SAMD12: variants seen among roughly 807,000 people sequenced by gnomAD.
SAMD12 encodes sterile alpha motif domain containing 12.
A neutral mutation model predicts 15.0 loss-of-function variants in SAMD12; 9 were observed. That is an observed-to-expected ratio of 0.60 (90% CI 0.36 to 1.05). The LOEUF (loss-of-function observed/expected upper bound fraction) is 1.05, where lower values mean the gene tolerates loss of function less well. Among genes scored for constraint, SAMD12 ranks in the 50% least tolerant of loss-of-function variants. The probability of loss-of-function intolerance (pLI) is 0.01; values close to 1 mark genes in which losing one functional copy is unlikely to be tolerated. For missense variants in SAMD12, 230 were observed against 234.2 expected, an observed-to-expected ratio of 0.98 and a Z score of 0.12; for synonymous variants, 86 against 90.1, an observed-to-expected ratio of 0.96 and a Z score of 0.25.
chr8:118,302,581 T>C (rs1815106541), intron 4 of SAMD12, among the ~76,000 whole-genome samples: 1 of 152,216 alleles, frequency 6.6e-6, no homozygotes, highest in African/African-American at 2.4e-5. Flanking sequence ...TCTCTTACTT[T>C]CCACTGTAAC....
At chr8:118,211,653 A>T (rs2129819877) in intron 4 of SAMD12, among the ~76,000 whole-genome samples, 1 of 152,312 alleles carries the variant, frequency 6.6e-6, no homozygotes, top group South Asian at 2.1e-4. Context: ...CTATAAAATT[A>T]TGAGGCCCTT....
At chr8:118,538,618 G>A (rs1356367728) in intron 2 of SAMD12, among the ~76,000 whole-genome samples, 4 of 152,224 alleles carry the variant, frequency 2.6e-5, no homozygotes, top group Admixed American at 1.3e-4. Context: ...CACCACATGG[G>A]CACCTCAGGG....
At chr8:118,330,942 C>T (rs917163800) in intron 4 of SAMD12, among the ~76,000 whole-genome samples, 5 of 151,878 alleles carry the variant, frequency 3.3e-5, no homozygotes, top group Admixed American at 1.3e-4. Flanking sequence ...GAAATCTGCA[C>T]GTGTACCTGC....
intron 2 of SAMD12, among the ~76,000 whole-genome samples, chr8:118,523,304 GAT>G (rs905771083): frequency 3.3e-5 from 5 of 152,116 alleles, no homozygotes; most frequent in African/African-American, 1.2e-4. Context: ...CAAGTCTACT[GAT>G]AGGTCCAGAC....
At chr8:118,470,690 TA>T (rs940668628) in intron 2 of SAMD12, among the ~76,000 whole-genome samples, 1 of 152,194 alleles carries the variant, frequency 6.6e-6, no homozygotes, top group African/African-American at 2.4e-5. Context: ...ATTACTCCCA[TA>T]AAATGCTAAC....
chr8:118,145,429 T>C, the SAMD12 span, among the ~76,000 whole-genome samples: 2 of 152,234 alleles, frequency 1.3e-5, no homozygotes, highest in Non-Finnish European at 2.9e-5. Context: ...TTGAACACTA[T>C]CTTGAGTGTT....
chr8:118,531,985 A>AGGGCATCCCCG (rs1464323883), intron 2 of SAMD12, among the ~76,000 whole-genome samples: 9 of 152,200 alleles, frequency 5.9e-5, no homozygotes, highest in Admixed American at 1.3e-4. Flanking sequence ...ATGGCGAGCG[A>AGGGCATCCCCG]GGGCATCCCT....
At chr8:118,524,760 C>T (rs980490613) in intron 2 of SAMD12, among the ~76,000 whole-genome samples, 2 of 152,178 alleles carry the variant, frequency 1.3e-5, no homozygotes, top group Non-Finnish European at 2.9e-5. Context: ...AACCTTGAGT[C>T]AACTGCTTCT....
chr8:118,437,244 C>G (rs978401841), intron 3 of SAMD12, among the ~76,000 whole-genome samples: 1 of 152,152 alleles, frequency 6.6e-6, no homozygotes, highest in African/African-American at 2.4e-5. Context: ...TGCATTCACT[C>G]TTAGAGAAGC....
chr8:118,217,799 C>T (rs1811998016), intron 4 of SAMD12, among the ~76,000 whole-genome samples: 1 of 152,186 alleles, frequency 6.6e-6, no homozygotes, highest in South Asian at 2.1e-4. Flanking sequence ...TTTATCCAAC[C>T]ATCTGCACCC....
intron 4 of SAMD12, among the ~76,000 whole-genome samples, chr8:118,309,378 A>ATGTGTGTG (rs1360473888): frequency 1.1e-3 from 126 of 118,336 alleles, no homozygotes; most frequent in African/African-American, 5.3e-3. Flanking sequence ...TTTGAGATAT[A>ATGTGTGTG]TATGTGTGTG....
intron 4 of SAMD12, among the ~76,000 whole-genome samples, chr8:118,325,600 C>G (rs766282482): frequency 1.3e-5 from 2 of 152,116 alleles, no homozygotes; most frequent in South Asian, 2.1e-4. Context: ...CACTTAAGAT[C>G]TCTCAGCAAA....
At chr8:118,561,440 T>G (rs1239908427) in intron 2 of SAMD12, among the ~76,000 whole-genome samples, 2 of 152,218 alleles carry the variant, frequency 1.3e-5, no homozygotes, top group Non-Finnish European at 2.9e-5. Context: ...AATAAAGACA[T>G]ACCTGAGACT....
chr8:118,509,387 G>T (rs1306690141), intron 2 of SAMD12, among the ~76,000 whole-genome samples: 4 of 152,124 alleles, frequency 2.6e-5, no homozygotes, highest in African/African-American at 9.7e-5. Flanking sequence ...AAACTGGGGC[G>T]GGCCTGACTG....
At chr8:118,425,939 G>A (rs4876832) in intron 3 of SAMD12, among the ~76,000 whole-genome samples, 83,731 of 151,504 alleles carry the variant, frequency 0.55, 25,168 homozygotes, top group Non-Finnish European at 0.66. Context: ...CCATGTCACT[G>A]AGCTTTGAAC....
chr8:118,343,911 T>C (rs1021646041), intron 4 of SAMD12, among the ~76,000 whole-genome samples: 2 of 152,212 alleles, frequency 1.3e-5, no homozygotes, highest in South Asian at 2.1e-4. Context: ...GTTTCAGCTA[T>C]CTGATTTGTG....
chr8:118,528,030 T>C (rs977757202), intron 2 of SAMD12, among the ~76,000 whole-genome samples: 4 of 96,854 alleles, frequency 4.1e-5, no homozygotes, highest in African/African-American at 1.3e-4. Context: ...AATATATATA[T>C]ATATTTTTTT....
intron 4 of SAMD12, among the ~76,000 whole-genome samples, chr8:118,217,177 T>C (rs1811983330): frequency 6.6e-6 from 1 of 152,224 alleles, no homozygotes; most frequent in Non-Finnish European, 1.5e-5. Context: ...CTAATTTTTG[T>C]ATTTTTAGTA....
the SAMD12 span, among the ~76,000 whole-genome samples, chr8:118,160,221 C>T: frequency 6.6e-6 from 1 of 152,066 alleles, no homozygotes; most frequent in African/African-American, 2.4e-5. Context: ...TAAAACATTG[C>T]TGAAGTTAAT....
Sources: allele counts gnomAD v4.1 joint callset (sites outside exome capture counted in the v4.1 genomes callset), GRCh38; gene constraint gnomAD v4.1.1; transcripts MANE v1.5; gene names NCBI Gene and HGNC (gene_info 2026-07-23, HGNC 2026-07-21).